ATP11B: variants seen among roughly 807,000 people sequenced by gnomAD.
The protein encoded by ATP11B is phospholipid-transporting ATPase IF.
In ATP11B, 81 loss-of-function variants were observed where a neutral mutation model predicts 157.8. The observed-to-expected ratio is 0.51, with a 90% CI of 0.43 to 0.62. The LOEUF (loss-of-function observed/expected upper bound fraction) is 0.62, where lower values mean the gene tolerates loss of function less well. Ranked by LOEUF, ATP11B falls within the 20% of genes least tolerant of loss-of-function variation. ATP11B has a pLI of 0.00. For synonymous variants in ATP11B, 451 were observed against 469.4 expected (o/e 0.96, Z 0.51); for missense variants, 1,165 against 1,402.2 (o/e 0.83, Z 2.70).
chr3:182,847,050 CTTTT>C (rs201462644), intron 9 of ATP11B, among the ~76,000 whole-genome samples: 3 of 132,700 alleles, frequency 2.3e-5, no homozygotes, highest in African/African-American at 2.8e-5. Context: ...TACTTTAAAA[CTTTT>C]TTTTTTTTTT....
chr3:182,828,447 T>C (rs1219605894), intron 3 of ATP11B, among the ~76,000 whole-genome samples: 1 of 152,186 alleles, frequency 6.6e-6, no homozygotes, highest in African/African-American at 2.4e-5. Context: ...CTGTAGTACT[T>C]AGATTAACCA....
chr3:182,903,075 T>C (rs1724078931), intron 28 of ATP11B, among the ~76,000 whole-genome samples: 1 of 152,124 alleles, frequency 6.6e-6, no homozygotes, highest in South Asian at 2.1e-4. Flanking sequence ...ACAATGTGTG[T>C]GTATGTCTTA....
chr3:182,813,834 C>T (rs1332653876), intron 1 of ATP11B, among the ~76,000 whole-genome samples: 1 of 151,540 alleles, frequency 6.6e-6, no homozygotes, highest in Non-Finnish European at 1.5e-5. Flanking sequence ...CCCAAGTGAC[C>T]CTCCTGCGTC....
chr3:182,834,086 T>G (rs1425459847), intron 4 of ATP11B, among the ~76,000 whole-genome samples: 4 of 152,174 alleles, frequency 2.6e-5, no homozygotes, highest in Admixed American at 6.5e-5. Flanking sequence ...TATGAGCTTG[T>G]ATTAAAAAAA....
intron 1 of ATP11B, among the ~76,000 whole-genome samples, chr3:182,800,186 C>G (rs1450252383): frequency 4.6e-5 from 7 of 151,848 alleles, no homozygotes; most frequent in Non-Finnish European, 1.0e-4. Context: ...TACTATGAGA[C>G]TTATTTTTAA....
chr3:182,843,360 A>T (rs1210083175), intron 8 of ATP11B, among the ~76,000 whole-genome samples: 1 of 152,206 alleles, frequency 6.6e-6, no homozygotes, highest in Admixed American at 6.5e-5. Context: ...TATTAAAAGG[A>T]AACATAGCTG....
At chr3:182,837,512 C>T (rs1352385849) in intron 7 of ATP11B, among the ~76,000 whole-genome samples, 1 of 151,948 alleles carries the variant, frequency 6.6e-6, no homozygotes, top group African/African-American at 2.4e-5. Flanking sequence ...TTTTGGTAAG[C>T]TCCATGAAGC....
intron 26 of ATP11B, 63 bp downstream of exon 26, chr3:182,896,828 T>C (rs180897557): frequency 6.2e-5 from 75 of 1,219,226 alleles, no homozygotes; most frequent in Admixed American, 2.0e-4. Flanking sequence ...TAGTTAACTT[T>C]CTTCATTTCT....
At chr3:182,906,376 A>T (rs1228930856) in intron 28 of ATP11B, among the ~76,000 whole-genome samples, 1 of 152,192 alleles carries the variant, frequency 6.6e-6, no homozygotes, top group African/African-American at 2.4e-5. Flanking sequence ...ATCAAAGAGT[A>T]GGGTGCTTAG....
chr3:182,847,356 G>A (rs1719615383), intron 9 of ATP11B, among the ~76,000 whole-genome samples: 1 of 152,130 alleles, frequency 6.6e-6, no homozygotes, highest in South Asian at 2.1e-4. Context: ...CTTTCTAGTA[G>A]TAACTTCGTC....
chr3:182,843,126 CATTT>C, intron 8 of ATP11B, among the ~76,000 whole-genome samples: 1 of 152,162 alleles, frequency 6.6e-6, no homozygotes, highest in Non-Finnish European at 1.5e-5. Context: ...ACTTGTAACC[CATTT>C]ATTCATTCAT....
chr3:182,902,565 A>T (rs1724041733), intron 28 of ATP11B: 1 of 1,288,872 alleles, frequency 7.8e-7, no homozygotes, highest in Non-Finnish European at 1.0e-6. Flanking sequence ...GAGCAAACTT[A>T]GGTAGAGTAG....
chr3:182,898,511 AGTACTT>A, intron 27 of ATP11B, 90 bp from the exon 28 acceptor site: 1 of 860,286 alleles, frequency 1.2e-6, no homozygotes, highest in South Asian at 3.4e-5. Context: ...ATTTTCTTGG[AGTACTT>A]GTTACTTTCA....
In ATP11B at chr3:182,866,732, C is replaced by T. The variant is rs538500354; in HGVS notation, c.1619+289C>T. Among the ~76,000 whole-genome samples, 166 of 150,164 alleles carry T rather than the reference C, an allele frequency of 1.1e-3. 1 individual carries two copies. Among genetic ancestry groups the T allele is most frequent in the African/African-American group, 3.6e-3 (150 of 41,170 alleles). On this transcript the variant is annotated intron_variant, in intron 14 of 29. Transcript: ENST00000323116. The stretch of plus-strand genomic sequence containing the variant: ...AAATGCTTGTGCATATGTTGTACTA[C>T]ACCTACTCTGATCCTTCTAATCCTT...
chr3:182,902,060 G>A (rs1201548365), intron 28 of ATP11B, among the ~76,000 whole-genome samples: 5 of 152,052 alleles, frequency 3.3e-5, no homozygotes, highest in Admixed American at 3.3e-4. Context: ...TGCTGAAACA[G>A]TATATGGTCA....
At chr3:182,899,895 A>G (rs1723835216) in intron 28 of ATP11B, among the ~76,000 whole-genome samples, 1 of 151,468 alleles carries the variant, frequency 6.6e-6, no homozygotes, top group South Asian at 2.1e-4. Flanking sequence ...CGTATTGGAT[A>G]AATACTCTAA....
At chr3:182,820,495 G>A (rs948495545) in intron 2 of ATP11B, 119 bp downstream of exon 2, 12 of 678,852 alleles carry the variant, frequency 1.8e-5, no homozygotes, top group Admixed American at 1.3e-4. Context: ...ACCAGTGTGG[G>A]CAACATAATG....
intron 19 of ATP11B, among the ~76,000 whole-genome samples, chr3:182,875,028 A>G (rs1223723948): frequency 6.6e-6 from 1 of 152,162 alleles, no homozygotes; most frequent in Admixed American, 6.5e-5. Context: ...ATTGTTCAAG[A>G]TTATTTCATA....
intron 23 of ATP11B, 61 bp downstream of exon 23, chr3:182,886,071 A>G: frequency 9.0e-7 from 1 of 1,116,694 alleles, no homozygotes; most frequent in African/African-American, 1.6e-5. Context: ...ATGTATGTTC[A>G]GATTTTGATA....
Sources: allele counts gnomAD v4.1 joint callset (sites outside exome capture counted in the v4.1 genomes callset), GRCh38; gene constraint gnomAD v4.1.1; transcripts MANE v1.5; gene names NCBI Gene and HGNC (gene_info 2026-07-23, HGNC 2026-07-21).